The following PTDSS2 variants were observed in gnomAD, a reference collection of about 807,000 sequenced individuals.
PTDSS2 encodes PSS-2.
A neutral mutation model predicts 64.7 loss-of-function variants in PTDSS2; 41 were observed. The ratio of observed to expected loss-of-function variants is 0.63; its 90% CI spans 0.49 to 0.82. PTDSS2 has a LOEUF of 0.82. PTDSS2 is among the 40% of genes least tolerant of loss of function. PTDSS2 has a pLI of 0.00. For synonymous variants in PTDSS2, 297 were observed against 277.8 expected, an observed-to-expected ratio of 1.07 and a Z score of -0.69; for missense variants, 485 against 650.0, an observed-to-expected ratio of 0.75 and a Z score of 2.76.
intron 1 of PTDSS2, among the ~76,000 whole-genome samples, chr11:455,414 C>T (rs145477212): frequency 6.4e-4 from 98 of 152,336 alleles, no homozygotes; most frequent in African/African-American, 2.1e-3. Flanking sequence ...ATCTGCACTC[C>T]AGCCAGGCAG....
intron 1 of PTDSS2, 57 bp downstream of exon 1, chr11:450,694 G>A: frequency 8.2e-7 from 1 of 1,226,902 alleles, no homozygotes. Flanking sequence ...GGGGGTTCCG[G>A]CACCGCTGGC....
At position 476,559 on chromosome 11, in the gene PTDSS2, G is replaced by T. The variant is rs1208023763; in HGVS notation, c.368-2526G>T. Among the ~76,000 whole-genome samples, 1 of 152,162 alleles carries T rather than the reference G, an allele frequency of 6.6e-6. No homozygotes were observed. Among genetic ancestry groups the T allele is most frequent in the Non-Finnish European group, 1.5e-5 (1 of 68,022 alleles). On this transcript the variant is annotated intron_variant, in intron 3 of 11. Coordinates refer to ENST00000308020, the MANE Select transcript of PTDSS2 (RefSeq NM_030783.3). The surrounding 1 kb of genome is among the most constrained non-coding windows in gnomAD (Gnocchi z 4.9). ...CTGGGACGCAGCCGTGAGTGGGACA[G>T]ACTGGTCAGCAGGCAGCAGCTTGTC... is the stretch of plus-strand genomic sequence containing the variant.
intron 7 of PTDSS2, 33 bp downstream of exon 7, chr11:488,345 T>A (rs898970184): frequency 6.4e-7 from 1 of 1,563,258 alleles, no homozygotes; most frequent in African/African-American, 1.4e-5. Flanking sequence ...GGGCAGTCGG[T>A]GCAGGCTGAG....
rs914801312 is a variant in PTDSS2 at position 461,793 on chromosome 11, T to C, written c.284+1505T>C. Among the ~76,000 whole-genome samples, 7 of 152,140 alleles carry C rather than the reference T, an allele frequency of 4.6e-5. No homozygotes were observed. The highest frequency in any genetic ancestry group is 1.7e-4 in the African/African-American group (7 of 41,450). ...GCAGGCCCGGTGTGCACTGTGTAAC[T>C]AGGCTCCAGAAATAGATGAGGGAGC... On this transcript the variant is annotated intron_variant, in intron 2 of 11. Transcript: ENST00000308020. The surrounding 1 kb of genome is among the most constrained non-coding windows in gnomAD (Gnocchi z 4.2).
intron 7 of PTDSS2, 83 bp downstream of exon 7, chr11:488,395 A>G (rs1848503293): frequency 7.3e-7 from 1 of 1,360,928 alleles, no homozygotes; most frequent in South Asian, 1.2e-5. Context: ...CGGCCCCTGG[A>G]CCCCCTCATT....
At chr11:450,692 C>T (rs778888081) in intron 1 of PTDSS2, 55 bp downstream of exon 1, 1 of 1,228,346 alleles carries the variant, frequency 8.1e-7, no homozygotes, top group East Asian at 3.2e-5. Context: ...CTGGGGGTTC[C>T]GGCACCGCTG....
intron 4 of PTDSS2, among the ~76,000 whole-genome samples, chr11:483,726 A>G (rs967801413): frequency 6.6e-6 from 1 of 152,106 alleles, no homozygotes; most frequent in African/African-American, 2.4e-5. Flanking sequence ...CATTTTATCT[A>G]AGATTTTTGC....
intron 3 of PTDSS2, among the ~76,000 whole-genome samples, chr11:478,777 C>T (rs761154466): frequency 1.3e-5 from 2 of 152,104 alleles, no homozygotes; most frequent in African/African-American, 4.8e-5. Context: ...CCAAACTTAA[C>T]GGCGCAAGTT....
intron 4 of PTDSS2, among the ~76,000 whole-genome samples, chr11:485,771 G>A (rs1294160079): frequency 7.4e-6 from 1 of 135,780 alleles, no homozygotes; most frequent in Non-Finnish European, 1.6e-5. Context: ...GTGCACGGGC[G>A]CGCGTGTGCT....
intron 3 of PTDSS2, 108 bp from the exon 4 acceptor site, chr11:478,977 G>A (rs1305860393): frequency 1.2e-6 from 1 of 828,892 alleles, no homozygotes; most frequent in Non-Finnish European, 2.1e-6. Context: ...CCTGTGAAGG[G>A]CCCAGAAGAG....
intron 1 of PTDSS2, among the ~76,000 whole-genome samples, chr11:452,096 T>A (rs1020753108): frequency 6.6e-6 from 1 of 152,138 alleles, no homozygotes; most frequent in Admixed American, 6.5e-5. Flanking sequence ...CTGGCTCTTC[T>A]GAGGTCCCGG....
At chr11:482,145 C>T (rs372508320) in intron 4 of PTDSS2, among the ~76,000 whole-genome samples, 1 of 151,736 alleles carries the variant, frequency 6.6e-6, no homozygotes, top group East Asian at 1.9e-4. Flanking sequence ...CGTGCCCGGC[C>T]GATGTCTTTT....
chr11:450,300 A>T lies in PTDSS2; in HGVS notation c.-156A>T, dbSNP rs1846253177. 1.9e-6 allele frequency: 1 copy of T among 521,562 alleles called. No homozygotes were observed. The highest frequency in any genetic ancestry group is 2.9e-6 in the Non-Finnish European group (1 of 345,652). 32.3% of individuals were successfully genotyped at this position (521,562 alleles called of 1,614,324 possible). ...CCCCACAATGCACCGCACACCCTTTACTGGCCGGCCCCGCGCTGCTCTCCT... is the reference window on the plus strand; with the variant it reads ...CCCCACAATGCACCGCACACCCTTTTCTGGCCGGCCCCGCGCTGCTCTCCT... On this transcript the variant is annotated 5_prime_UTR_variant, in exon 1 of 12. Transcript: ENST00000308020.
At chr11:457,940 C>T (rs915296325) in intron 1 of PTDSS2, among the ~76,000 whole-genome samples, 5 of 152,326 alleles carry the variant, frequency 3.3e-5, no homozygotes, top group Middle Eastern at 3.4e-3. Flanking sequence ...TAATTTCAGC[C>T]GTTCCAGCAG....
rs374635324 is a variant in PTDSS2, at chr11:489,083, A to T, written c.855-317A>T. On this transcript the variant is annotated intron_variant, in intron 8 of 11. Coordinates refer to ENST00000308020, the MANE Select transcript of PTDSS2 (RefSeq NM_030783.3). ...TCTGCCTGGCTCTGCAGACATGGCT[A>T]GCTCACGGCACCGTGGAGCGCCCTC... Among the ~76,000 whole-genome samples the T allele has an allele frequency of 2.6e-4, 39 of 152,366 alleles. No individual in the cohort carries two copies. The East Asian group carries it at 4.1e-3, about 16-fold the overall frequency.
At chr11:485,130 CTGTG>C (rs60315863) in intron 4 of PTDSS2, among the ~76,000 whole-genome samples, 4 of 116,266 alleles carry the variant, frequency 3.4e-5, no homozygotes, top group Non-Finnish European at 5.0e-5. Context: ...CGTGTGCTCA[CTGTG>C]TGCGCAGGCG....
chr11:460,026 G>T lies in PTDSS2; in HGVS notation c.183-161G>T. ...GGCCAGCAGACGCAGGGTCATCTCGGAGTTACCCAGCTAGGGACTCGCAGC... is the reference window on the plus strand; with the variant it reads ...GGCCAGCAGACGCAGGGTCATCTCGTAGTTACCCAGCTAGGGACTCGCAGC... On this transcript the variant is annotated intron_variant, in intron 1 of 11. Transcript: ENST00000308020. This position sits in a 1 kb window ranked among gnomAD's most constrained non-coding sequence, Gnocchi z 5.8. The T allele has an allele frequency of 1.6e-6, 1 of 622,860 alleles. No individual in the cohort carries two copies. The highest frequency in any genetic ancestry group is 2.9e-6 in the Non-Finnish European group (1 of 340,266). 38.6% of individuals were successfully genotyped at this position (622,860 alleles called of 1,614,324 possible). A position where few individuals can be genotyped will look rare whatever the true frequency, so the allele number is the denominator to read the frequency against.
intron 1 of PTDSS2, 49 bp downstream of exon 1, chr11:450,686 G>A: frequency 8.1e-7 from 1 of 1,235,786 alleles, no homozygotes; most frequent in Non-Finnish European, 1.0e-6. Context: ...CTCGACCTGG[G>A]GGTTCCGGCA....
intron 4 of PTDSS2, among the ~76,000 whole-genome samples, chr11:484,778 C>T (rs1848229151): frequency 8.0e-6 from 1 of 124,224 alleles, no homozygotes; most frequent in African/African-American, 3.2e-5. Context: ...GGTGTGTGTG[C>T]TGTGCGCAGG....
Sources: allele counts gnomAD v4.1 joint callset (sites outside exome capture counted in the v4.1 genomes callset), GRCh38; gene constraint gnomAD v4.1.1; non-coding constraint Gnocchi (gnomAD v3.1); transcripts MANE v1.5; gene names NCBI Gene and HGNC (gene_info 2026-07-23, HGNC 2026-07-21).